PATL2: variants seen among roughly 807,000 people sequenced by gnomAD.
The protein encoded by PATL2 is protein PAT1 homolog 2.
A neutral mutation model predicts 77.0 loss-of-function variants in PATL2; 73 were observed. The observed-to-expected ratio is 0.95, with a 90% confidence interval of 0.78 to 1.15. The LOEUF is 1.15. Ranked by LOEUF, PATL2 falls within the 50% of genes most tolerant of loss-of-function variation. PATL2 has a pLI of 0.00. For missense variants in PATL2, 618 were observed against 655.4 expected (o/e 0.94, Z 0.62); for synonymous variants, 265 against 257.1 (o/e 1.03, Z -0.29).
chr15:44,676,659 T>C (rs1056937228), intron 3 of PATL2, 94 bp from the exon 4 acceptor site: 1 of 1,298,638 alleles, frequency 7.7e-7, no homozygotes, highest in African/African-American at 1.5e-5. Flanking sequence ...AGCAAGATGG[T>C]TAGAGAATTC....
intron 3 of PATL2, among the ~76,000 whole-genome samples, chr15:44,692,785 G>T (rs183697056): frequency 6.6e-6 from 1 of 152,382 alleles, no homozygotes; most frequent in African/African-American, 2.4e-5. Flanking sequence ...TTCAACACTG[G>T]CAACAGCAGG....
intron 16 of PATL2, 29 bp downstream of exon 16, chr15:44,667,077 T>G (rs374192103): frequency 1.5e-5 from 23 of 1,484,500 alleles, no homozygotes; most frequent in African/African-American, 1.5e-4. Flanking sequence ...GGGTACTAGA[T>G]AGTATTTACA....
intron 4 of PATL2, chr15:44,676,174 T>C: frequency 2.3e-6 from 1 of 436,244 alleles, no homozygotes; most frequent in Non-Finnish European, 4.2e-6. Context: ...TTGAACAAGT[T>C]CCACCTGCCC....
Position 44,674,090 on chromosome 15 carries a change from G to A in PATL2, c.303+60C>T, listed in dbSNP as rs2085827444. 30 of 1,456,550 alleles carry A rather than the reference G, an allele frequency of 2.1e-5. 1 individual carries two copies. The South Asian group carries it at 3.8e-4, about 18-fold the overall frequency. The allele number at this position is 1,456,550 out of a possible 1,614,324, so 90.2% of individuals were successfully genotyped here. On this transcript the variant is annotated intron_variant, in intron 6 of 17. Transcript: ENST00000682850. The stretch of plus-strand genomic sequence containing the variant: ...TAACTCCAGACCAGGGTTGGGGGTA[G>A]ACTGAACATAATAGATGGAATCCTC...
At chr15:44,672,845 T>A (rs1345662932) in intron 7 of PATL2, among the ~76,000 whole-genome samples, 1 of 152,202 alleles carries the variant, frequency 6.6e-6, no homozygotes, top group Non-Finnish European at 1.5e-5. Flanking sequence ...CTGCAACCTC[T>A]GGCTCCTGGG....
intron 3 of PATL2, among the ~76,000 whole-genome samples, chr15:44,709,702 A>G (rs1901529): frequency 0.1 from 15,434 of 152,196 alleles, 880 homozygotes; most frequent in Non-Finnish European, 0.14. Context: ...CCCCCCAAAG[A>G]AAACTGTAAA....
chr15:44,674,469 C>G, intron 5 of PATL2: 1 of 460,598 alleles, frequency 2.2e-6, no homozygotes. Flanking sequence ...ATATATGTTC[C>G]GAGACCCCCA....
intron 3 of PATL2, among the ~76,000 whole-genome samples, chr15:44,685,755 A>G (rs2086238115): frequency 6.6e-6 from 1 of 152,248 alleles, no homozygotes; most frequent in African/African-American, 2.4e-5. Flanking sequence ...AGGGGTTGCA[A>G]TCCTAGTCCC....
At chr15:44,694,266 G>A (rs1054101613) in intron 3 of PATL2, among the ~76,000 whole-genome samples, 4 of 152,148 alleles carry the variant, frequency 2.6e-5, no homozygotes, top group Non-Finnish European at 1.5e-5. Context: ...CAGAGGGGCA[G>A]TCCCACCTCA....
intron 3 of PATL2, among the ~76,000 whole-genome samples, chr15:44,693,313 G>A (rs972594760): frequency 2.0e-5 from 3 of 152,196 alleles, no homozygotes; most frequent in Non-Finnish European, 2.9e-5. Flanking sequence ...GGTGGCAGCC[G>A]AGAAGCACTC....
intron 3 of PATL2, among the ~76,000 whole-genome samples, chr15:44,706,350 C>G (rs1203844210): frequency 6.6e-6 from 1 of 152,210 alleles, no homozygotes; most frequent in African/African-American, 2.4e-5. Context: ...TTTTTGGTCA[C>G]TGCAGCTGTA....
intron 3 of PATL2, among the ~76,000 whole-genome samples, chr15:44,679,233 ATT>A (rs111612498): frequency 2.2e-5 from 3 of 134,968 alleles, no homozygotes; most frequent in Admixed American, 7.3e-5. Context: ...TGGCCAATTA[ATT>A]TTTTTTTTTT....
chr15:44,702,201 A>C (rs2086643902), intron 3 of PATL2, among the ~76,000 whole-genome samples: 1 of 152,062 alleles, frequency 6.6e-6, no homozygotes, highest in Non-Finnish European at 1.5e-5. Context: ...GGATTTCTTC[A>C]AGGTTCGATC....
At chr15:44,699,068 T>G (rs1282179357) in intron 3 of PATL2, among the ~76,000 whole-genome samples, 1 of 152,206 alleles carries the variant, frequency 6.6e-6, no homozygotes, top group Non-Finnish European at 1.5e-5. Context: ...TATTCAGATC[T>G]TTTGCCCATT....
intron 3 of PATL2, among the ~76,000 whole-genome samples, chr15:44,680,528 A>G (rs1458224532): frequency 1.3e-5 from 2 of 152,044 alleles, no homozygotes. Flanking sequence ...CTCCTCTTCA[A>G]GTCCAGACTC....
chr15:44,676,183 C>T (rs2085945245), intron 4 of PATL2: 1 of 454,676 alleles, frequency 2.2e-6, no homozygotes, highest in South Asian at 2.2e-5. Context: ...TTCCACCTGC[C>T]CTGACTCACT....
At chr15:44,692,201 T>C (rs1023250861) in intron 3 of PATL2, among the ~76,000 whole-genome samples, 3 of 152,196 alleles carry the variant, frequency 2.0e-5, no homozygotes, top group African/African-American at 7.2e-5. Context: ...TGTATATAAA[T>C]AGAGAAAGAA....
At chr15:44,669,171 C>T in intron 13 of PATL2, 32 bp from the exon 14 acceptor site, 1 of 1,522,906 alleles carries the variant, frequency 6.6e-7, no homozygotes. Flanking sequence ...ATTTTCAGAG[C>T]TCTGCATAGA....
intron 3 of PATL2, among the ~76,000 whole-genome samples, chr15:44,704,983 C>T (rs908810636): frequency 3.2e-4 from 48 of 152,056 alleles, no homozygotes; most frequent in Admixed American, 2.8e-3. Context: ...AGGATCCTTT[C>T]TGTATTCTTG....
Sources: gnomAD v4.1 joint callset for allele counts (sites outside exome capture counted in the v4.1 genomes callset) on GRCh38, gnomAD v4.1.1 for gene constraint, MANE v1.5 for transcripts, NCBI Gene and HGNC (gene_info 2026-07-23, HGNC 2026-07-21) for gene names.